CNTNAP5: variants seen among roughly 807,000 people sequenced by gnomAD.
CNTNAP5 encodes contactin associated protein family member 5.
A neutral mutation model predicts 150.2 loss-of-function variants in CNTNAP5; 72 were observed. The ratio of observed to expected loss-of-function variants is 0.48; its 90% confidence interval spans 0.40 to 0.58. CNTNAP5 has a LOEUF of 0.58. CNTNAP5 is among the 20% of genes least tolerant of loss of function. CNTNAP5 has a pLI of 0.00. For synonymous variants in CNTNAP5, 672 were observed against 619.8 expected, an observed-to-expected ratio of 1.08 and a Z score of -1.25; for missense variants, 1,636 against 1,626.2, an observed-to-expected ratio of 1.01 and a Z score of -0.10.
At chr2:124,911,696 G>T (rs1678659058) in intron 23 of CNTNAP5, among the ~76,000 whole-genome samples, 158 bp downstream of exon 23, 1 of 152,008 alleles carries the variant, frequency 6.6e-6, no homozygotes, top group Admixed American at 6.6e-5. Context: ...CCTGTGTGCT[G>T]AATGATCAAA....
chr2:124,635,485 G>A (rs1677953045), intron 12 of CNTNAP5, among the ~76,000 whole-genome samples: 1 of 152,174 alleles, frequency 6.6e-6, no homozygotes, highest in African/African-American at 2.4e-5. Flanking sequence ...GGAAAGACAA[G>A]CCTTGTTGAG....
At chr2:124,575,427 T>G (rs1696260329) in intron 11 of CNTNAP5, among the ~76,000 whole-genome samples, 1 of 152,248 alleles carries the variant, frequency 6.6e-6, no homozygotes, top group African/African-American at 2.4e-5. Flanking sequence ...CTTTCATTAT[T>G]TGGAACGCTC....
chr2:124,160,908 TC>T (rs2104648639), intron 1 of CNTNAP5, among the ~76,000 whole-genome samples: 1 of 152,326 alleles, frequency 6.6e-6, no homozygotes, highest in Non-Finnish European at 1.5e-5. Context: ...TTTATTTGTT[TC>T]CTTATATTGT....
chr2:124,307,026 C>G (rs556876659), intron 3 of CNTNAP5, among the ~76,000 whole-genome samples: 4 of 152,180 alleles, frequency 2.6e-5, no homozygotes, highest in African/African-American at 9.6e-5. Context: ...CTGCAGCCAG[C>G]CTGGTTTCCC....
chr2:124,145,829 G>GAAA (rs1558773932), intron 1 of CNTNAP5, among the ~76,000 whole-genome samples: 14 of 25,140 alleles, frequency 5.6e-4, no homozygotes, highest in Non-Finnish European at 8.2e-4. Context: ...AAAAAAAAAA[G>GAAA]AAGAAAAAAA....
chr2:124,289,038 T>A (rs1482946392), intron 3 of CNTNAP5, among the ~76,000 whole-genome samples: 1 of 152,184 alleles, frequency 6.6e-6, no homozygotes, highest in Non-Finnish European at 1.5e-5. Flanking sequence ...TTAACAATGA[T>A]AACCACTACT....
chr2:124,139,879 G>A (rs560798277), intron 1 of CNTNAP5, among the ~76,000 whole-genome samples: 5 of 152,274 alleles, frequency 3.3e-5, no homozygotes, highest in South Asian at 2.1e-4. Context: ...CTGAGGTACC[G>A]GGTTCATCGC....
intron 3 of CNTNAP5, among the ~76,000 whole-genome samples, chr2:124,323,200 G>C (rs1371227559): frequency 6.6e-6 from 1 of 152,172 alleles, no homozygotes; most frequent in Non-Finnish European, 1.5e-5. Context: ...CACTTTCCCA[G>C]AGGAGGAATT....
At chr2:124,311,106 C>T (rs116706225) in intron 3 of CNTNAP5, among the ~76,000 whole-genome samples, 10,359 of 152,262 alleles carry the variant, frequency 0.068, 420 homozygotes, top group Non-Finnish European at 0.091. Flanking sequence ...CTAAGAATCC[C>T]TTCAGATGAG....
Position 124,773,022 on chromosome 2 carries a change from G to T in CNTNAP5, c.2752+5G>T, listed in dbSNP as rs1475366476. ...TGAACAGCCAGTTGTTTGTAGGTAG[G>T]GGACATCTTAAGGCTCCTTTTGTGC... On this transcript the variant is annotated splice_donor_5th_base_variant and intron_variant, in intron 17 of 23. Transcript: ENST00000682447. The T allele has an allele frequency of 6.2e-7, 1 of 1,611,244 alleles. No homozygotes were observed. The highest frequency in any genetic ancestry group is 8.5e-7 in the Non-Finnish European group (1 of 1,178,724).
At chr2:124,450,122 A>C (rs919436164) in intron 6 of CNTNAP5, among the ~76,000 whole-genome samples, 1 of 152,056 alleles carries the variant, frequency 6.6e-6, no homozygotes. Flanking sequence ...ATGCGTCCAT[A>C]TGTGCACAAA....
chr2:124,273,972 G>T (rs1687821594), intron 3 of CNTNAP5, among the ~76,000 whole-genome samples: 1 of 152,090 alleles, frequency 6.6e-6, no homozygotes, highest in African/African-American at 2.4e-5. Context: ...TTGGCCTGGA[G>T]AAATATCTAG....
chr2:124,418,554 C>T (rs1260913841), intron 4 of CNTNAP5, among the ~76,000 whole-genome samples: 2 of 152,152 alleles, frequency 1.3e-5, no homozygotes, highest in Non-Finnish European at 2.9e-5. Context: ...TCCAAGTAAA[C>T]TATGGATATA....
chr2:124,698,804 A>G (rs886948036), intron 13 of CNTNAP5, among the ~76,000 whole-genome samples: 2 of 152,188 alleles, frequency 1.3e-5, no homozygotes, highest in Admixed American at 1.3e-4. Context: ...TCCCACTCTG[A>G]GGATTTCCCA....
At chr2:124,845,792 C>G (rs1194927284) in intron 19 of CNTNAP5, among the ~76,000 whole-genome samples, 1 of 151,988 alleles carries the variant, frequency 6.6e-6, no homozygotes, top group Non-Finnish European at 1.5e-5. Flanking sequence ...TCATAATAAC[C>G]TTTAATAATC....
intron 7 of CNTNAP5, among the ~76,000 whole-genome samples, chr2:124,489,581 G>A (rs1319769436): frequency 1.3e-5 from 2 of 152,178 alleles, no homozygotes; most frequent in African/African-American, 2.4e-5. Context: ...ATTAGACTCT[G>A]CAAACCATCT....
At chr2:124,086,563 A>G (rs1420768087) in intron 1 of CNTNAP5, among the ~76,000 whole-genome samples, 1 of 151,668 alleles carries the variant, frequency 6.6e-6, no homozygotes, top group Non-Finnish European at 1.5e-5. Context: ...TTATCAGTAT[A>G]TAATACATCT....
chr2:124,351,860 A>G (rs1012126748), intron 3 of CNTNAP5, among the ~76,000 whole-genome samples: 2 of 152,224 alleles, frequency 1.3e-5, no homozygotes, highest in African/African-American at 4.8e-5. Context: ...ACATTACTGA[A>G]GCAAAAATGC....
intron 10 of CNTNAP5, among the ~76,000 whole-genome samples, chr2:124,543,951 G>T (rs1695450315): frequency 1.3e-5 from 2 of 151,250 alleles, no homozygotes; most frequent in Admixed American, 6.6e-5. Context: ...ATGCTAGCTA[G>T]TTTTTTTTTC....
Sources: allele counts gnomAD v4.1 joint callset (sites outside exome capture counted in the v4.1 genomes callset), GRCh38; gene constraint gnomAD v4.1.1; transcripts MANE v1.5; gene names NCBI Gene and HGNC (gene_info 2026-07-23, HGNC 2026-07-21).